The following AUTS2 variants were observed in gnomAD, a reference collection of about 807,000 sequenced individuals.
The protein encoded by AUTS2 is autism susceptibility gene 2 protein.
Under a neutral mutation model 112.4 loss-of-function variants are expected in AUTS2, and 17 were observed. The ratio of observed to expected loss-of-function variants is 0.15; its 90% CI spans 0.10 to 0.23. The LOEUF is 0.23. Among genes scored for constraint, AUTS2 ranks in the 10% least tolerant of loss-of-function variants. AUTS2 has a pLI of 1.00. For synonymous variants in AUTS2, 751 were observed against 702.7 expected (o/e 1.07, Z -1.09); for missense variants, 1,510 against 1,701.6 (o/e 0.89, Z 1.98).
At chr7:70,759,180 T>C (rs1350495186) in intron 6 of AUTS2, among the ~76,000 whole-genome samples, 1 of 152,210 alleles carries the variant, frequency 6.6e-6, no homozygotes, top group Non-Finnish European at 1.5e-5. Context: ...GACTTCTGCT[T>C]TTTAGGAGGC....
intron 2 of AUTS2, among the ~76,000 whole-genome samples, chr7:69,959,251 T>C (rs1335561981): frequency 6.6e-6 from 1 of 152,166 alleles, no homozygotes; most frequent in Non-Finnish European, 1.5e-5. Context: ...TTTTCTTGGT[T>C]ACAATAAAGT....
intron 6 of AUTS2, among the ~76,000 whole-genome samples, chr7:70,757,847 G>C (rs1184087656): frequency 1.0e-5 from 1 of 97,736 alleles, no homozygotes; most frequent in African/African-American, 4.1e-5. Context: ...ACAGGGTCTT[G>C]CTCTGTCACT....
intron 2 of AUTS2, among the ~76,000 whole-genome samples, chr7:70,004,272 TATGAATGTG>T (rs1563031356): frequency 7.5e-6 from 1 of 133,444 alleles, no homozygotes; most frequent in Non-Finnish European, 1.6e-5. Flanking sequence ...ATATTATATA[TATGAATGTG>T]TTATATATGA....
At chr7:70,432,309 C>T (rs1337626836) in intron 4 of AUTS2, among the ~76,000 whole-genome samples, 1 of 152,158 alleles carries the variant, frequency 6.6e-6, no homozygotes, top group Non-Finnish European at 1.5e-5. Context: ...TCAATGTGAA[C>T]TCTTATAAAT....
intron 1 of AUTS2, among the ~76,000 whole-genome samples, chr7:69,762,891 A>T (rs1788254492): frequency 6.6e-6 from 1 of 152,174 alleles, no homozygotes; most frequent in African/African-American, 2.4e-5. Flanking sequence ...GCATGTTCTT[A>T]CATGCTCCTC....
At chr7:69,993,505 G>A (rs1488420025) in intron 2 of AUTS2, among the ~76,000 whole-genome samples, 1 of 152,148 alleles carries the variant, frequency 6.6e-6, no homozygotes, top group Non-Finnish European at 1.5e-5. Context: ...AGCACTTTGG[G>A]AGGCCAAGGA....
intron 5 of AUTS2, among the ~76,000 whole-genome samples, chr7:70,481,949 G>A (rs1797804812): frequency 6.6e-6 from 1 of 152,100 alleles, no homozygotes; most frequent in African/African-American, 2.4e-5. Context: ...AGATCTCATG[G>A]GAAATTAAAT....
chr7:70,633,423 C>A lies in AUTS2; in HGVS notation c.691-65146C>A, dbSNP rs1046689469. Among the ~76,000 whole-genome samples the A allele has an allele frequency of 1.4e-4, 21 of 152,066 alleles. 1 individual carries two copies. The highest frequency in any genetic ancestry group is 7.7e-4 in the East Asian group (4 of 5,172). ...AGTCAGGAGTTCGAGACCAGCCTGG[C>A]CAACATGGTGAAACCTGTCTCTACT... On this transcript the variant is annotated intron_variant, in intron 5 of 18. Coordinates refer to ENST00000342771, the MANE Select transcript of AUTS2 (RefSeq NM_015570.4).
At chr7:70,130,670 G>A (rs1806224823) in intron 3 of AUTS2, among the ~76,000 whole-genome samples, 1 of 149,896 alleles carries the variant, frequency 6.7e-6, no homozygotes, top group South Asian at 2.1e-4. Flanking sequence ...GATTGCTGGA[G>A]CAGTGGTCAA....
At chr7:70,629,768 T>A (rs1416890813) in intron 5 of AUTS2, among the ~76,000 whole-genome samples, 3 of 152,160 alleles carry the variant, frequency 2.0e-5, no homozygotes, top group Non-Finnish European at 4.4e-5. Flanking sequence ...TTTTTTTTTT[T>A]CTTTTTTAAA....
At chr7:70,591,856 G>A (rs1267766486) in intron 5 of AUTS2, among the ~76,000 whole-genome samples, 1 of 152,114 alleles carries the variant, frequency 6.6e-6, no homozygotes, top group African/African-American at 2.4e-5. Flanking sequence ...AATTTGGCTG[G>A]TACTGCAGTT....
intron 5 of AUTS2, among the ~76,000 whole-genome samples, chr7:70,655,585 T>C (rs1378252165): frequency 2.0e-5 from 3 of 152,200 alleles, no homozygotes; most frequent in African/African-American, 4.8e-5. Context: ...TGCTGTTCTG[T>C]TTGAGCAGGG....
At chr7:69,763,834 A>G (rs1012978354) in intron 1 of AUTS2, among the ~76,000 whole-genome samples, 6 of 152,136 alleles carry the variant, frequency 3.9e-5, no homozygotes, top group African/African-American at 1.4e-4. Flanking sequence ...CTCCTTAACT[A>G]TACGGATGTA....
At chr7:70,143,276 T>TCTCC (rs1322917935) in intron 4 of AUTS2, among the ~76,000 whole-genome samples, 1 of 152,182 alleles carries the variant, frequency 6.6e-6, no homozygotes, top group East Asian at 1.9e-4. Context: ...ACTTCACTTA[T>TCTCC]CTCCCAGTAC....
At chr7:70,441,032 G>T (rs1218622119) in intron 5 of AUTS2, among the ~76,000 whole-genome samples, 3 of 152,230 alleles carry the variant, frequency 2.0e-5, no homozygotes, top group African/African-American at 7.2e-5. Flanking sequence ...CTGCTTAGGA[G>T]AAAAACTTGA....
At chr7:70,718,689 A>C (rs1253196271) in intron 6 of AUTS2, among the ~76,000 whole-genome samples, 1 of 152,076 alleles carries the variant, frequency 6.6e-6, no homozygotes, top group African/African-American at 2.4e-5. Flanking sequence ...ACAAACAAAA[A>C]AACCCAATAA....
At chr7:69,778,528 A>G (rs554935222) in intron 1 of AUTS2, among the ~76,000 whole-genome samples, 1 of 152,264 alleles carries the variant, frequency 6.6e-6, no homozygotes, top group East Asian at 1.9e-4. Context: ...TTTGGGACTT[A>G]CTGCTCTAAC....
At chr7:70,418,176 G>T (rs987044441) in intron 4 of AUTS2, among the ~76,000 whole-genome samples, 2 of 151,598 alleles carry the variant, frequency 1.3e-5, no homozygotes, top group Non-Finnish European at 2.9e-5. Context: ...GGGCTTAAGG[G>T]ATCCTCCCAC....
chr7:69,636,488 C>CT (rs937232763), intron 1 of AUTS2, among the ~76,000 whole-genome samples: 1 of 88,920 alleles, frequency 1.1e-5, no homozygotes, highest in African/African-American at 4.3e-5. Context: ...GCGCCCCCCC[C>CT]CCCCCTTGGC....
Sources: allele counts gnomAD v4.1 joint callset (sites outside exome capture counted in the v4.1 genomes callset), GRCh38; gene constraint gnomAD v4.1.1; transcripts MANE v1.5; gene names NCBI Gene and HGNC (gene_info 2026-07-23, HGNC 2026-07-21).